LMX1A: variants seen among roughly 807,000 people sequenced by gnomAD.
LMX1A encodes the protein LIM homeobox transcription factor 1-alpha.
LMX1A carries 15 observed loss-of-function variants against 49.1 expected under a neutral mutation model. That is an observed-to-expected ratio of 0.31 (90% CI 0.20 to 0.47). LMX1A has a LOEUF of 0.47. Among genes scored for constraint, LMX1A ranks in the 20% least tolerant of loss-of-function variants. The probability of loss-of-function intolerance (pLI) is 1.00; values close to 1 mark genes in which losing one functional copy is unlikely to be tolerated. For synonymous variants in LMX1A, 167 were observed against 185.7 expected, an observed-to-expected ratio of 0.90 and a Z score of 0.82; for missense variants, 372 against 475.8, an observed-to-expected ratio of 0.78 and a Z score of 2.03.
At chr1:165,306,832 T>C (rs1335909179) in intron 3 of LMX1A, among the ~76,000 whole-genome samples, 1 of 152,172 alleles carries the variant, frequency 6.6e-6, no homozygotes, top group Non-Finnish European at 1.5e-5. Context: ...CTTCCCACCA[T>C]CAGTAGGATT....
At chr1:165,264,440 A>C (rs573526967) in intron 3 of LMX1A, among the ~76,000 whole-genome samples, 1 of 152,210 alleles carries the variant, frequency 6.6e-6, no homozygotes, top group Non-Finnish European at 1.5e-5. Context: ...ACACACATAC[A>C]TGCTGCCTTA....
chr1:165,279,982 G>A (rs1170703312), intron 3 of LMX1A, among the ~76,000 whole-genome samples: 2 of 152,046 alleles, frequency 1.3e-5, no homozygotes, highest in African/African-American at 2.4e-5. Flanking sequence ...GAGTACCAGA[G>A]AGCCTGCAGC....
intron 4 of LMX1A, among the ~76,000 whole-genome samples, chr1:165,248,356 G>A (rs1444093744): frequency 6.6e-6 from 1 of 152,164 alleles, no homozygotes; most frequent in African/African-American, 2.4e-5. Context: ...GTTACAGGGG[G>A]CTTGGAAATG....
chr1:165,300,994 A>G (rs1274454373), intron 3 of LMX1A, among the ~76,000 whole-genome samples: 1 of 152,218 alleles, frequency 6.6e-6, no homozygotes, highest in African/African-American at 2.4e-5. Flanking sequence ...CTGTAATGAA[A>G]TGGAGCCCAG....
At chr1:165,346,847 C>T (rs1301347127) in intron 3 of LMX1A, among the ~76,000 whole-genome samples, 1 of 152,156 alleles carries the variant, frequency 6.6e-6, no homozygotes, top group Non-Finnish European at 1.5e-5. Flanking sequence ...TCTAATCCTC[C>T]CGTTAATTAA....
intron 3 of LMX1A, among the ~76,000 whole-genome samples, chr1:165,262,219 G>A (rs1006702772): frequency 8.5e-5 from 13 of 152,140 alleles, no homozygotes; most frequent in African/African-American, 2.9e-4. Context: ...TATTGGTGAG[G>A]AAAGCGCTAG....
chr1:165,239,211 T>C (rs1159891000), intron 4 of LMX1A, among the ~76,000 whole-genome samples: 1 of 152,232 alleles, frequency 6.6e-6, no homozygotes, highest in Non-Finnish European at 1.5e-5. Flanking sequence ...TAACTTATGG[T>C]TTTCATTATT....
chr1:165,259,497 T>G (rs1434522281), intron 3 of LMX1A, among the ~76,000 whole-genome samples: 3 of 152,220 alleles, frequency 2.0e-5, no homozygotes, highest in African/African-American at 7.2e-5. Context: ...ATTTTGGTTC[T>G]CATATGACTG....
chr1:165,331,483 T>C (rs1057487752), intron 3 of LMX1A, among the ~76,000 whole-genome samples: 2 of 152,228 alleles, frequency 1.3e-5, no homozygotes, highest in Admixed American at 1.3e-4. Context: ...TGCTAGTGGC[T>C]ACTAGGCTGT....
At chr1:165,312,771 T>C (rs1221817146) in intron 3 of LMX1A, among the ~76,000 whole-genome samples, 3 of 152,214 alleles carry the variant, frequency 2.0e-5, no homozygotes, top group African/African-American at 7.2e-5. Context: ...CAGCAGACAC[T>C]GTACCAAACA....
chr1:165,345,118 G>A lies in LMX1A; in HGVS notation c.263+7958C>T, dbSNP rs984408878. 6.6e-5 allele frequency among the ~76,000 whole-genome samples: 10 copies of A among 152,238 alleles called. 1 individual carries two copies. Among genetic ancestry groups the A allele is most frequent in the Admixed American group, 6.5e-4 (10 of 15,282 alleles). ...TAGTCCCCAGGAGCCCAACATTTTGGTATTTAAAGGAACTTTAATGAGCTT... is the reference window on the plus strand; with the variant it reads ...TAGTCCCCAGGAGCCCAACATTTTGATATTTAAAGGAACTTTAATGAGCTT... On this transcript the variant is annotated intron_variant, in intron 3 of 8. Coordinates refer to ENST00000342310, the MANE Select transcript of LMX1A (RefSeq NM_177398.4).
In LMX1A at chr1:165,232,148, C is replaced by T. The variant is rs73027300; in HGVS notation, c.496+17260G>A. On this transcript the variant is annotated intron_variant, in intron 4 of 8. Transcript: ENST00000342310. Reference sequence around the variant, plus strand: ...AAGGTCCACAGAGCAGGGAAGGCTGCGGATGCATCCCTGTGCTGGAGCAGC... The same window carrying T: ...AAGGTCCACAGAGCAGGGAAGGCTGTGGATGCATCCCTGTGCTGGAGCAGC... Among the ~76,000 whole-genome samples, 5 of 152,284 alleles carry T rather than the reference C, an allele frequency of 3.3e-5. No homozygotes were observed. The East Asian group carries it at 5.8e-4, about 18-fold the overall frequency.
rs530169805 is a variant in LMX1A, at chr1:165,312,994, GA to G, written c.263+40081del. On this transcript the variant is annotated intron_variant, in intron 3 of 8. Transcript: ENST00000342310. ...ATTATACCTCTCTAGCTCACACAAA[GA>G]GACTGAATATCAGAGGGAAAAAAAA... Among the ~76,000 whole-genome samples the G allele has an allele frequency of 1.8e-4, 27 of 152,270 alleles. No individual in the cohort carries two copies. In the South Asian group the frequency reaches 5.2e-3, roughly 29 times the overall value.
intron 4 of LMX1A, among the ~76,000 whole-genome samples, chr1:165,222,126 A>G (rs1429766186): frequency 1.3e-5 from 2 of 152,186 alleles, no homozygotes; most frequent in Non-Finnish European, 2.9e-5. Flanking sequence ...GGCAACTGAA[A>G]TATCAGAAGA....
intron 6 of LMX1A, among the ~76,000 whole-genome samples, chr1:165,210,275 G>A (rs1391974005): frequency 6.6e-6 from 1 of 152,166 alleles, no homozygotes; most frequent in Non-Finnish European, 1.5e-5. Context: ...ATTAGTGAGG[G>A]CTGGGCCCTG....
At chr1:165,299,689 T>C (rs945792325) in intron 3 of LMX1A, among the ~76,000 whole-genome samples, 3 of 151,414 alleles carry the variant, frequency 2.0e-5, no homozygotes, top group African/African-American at 4.9e-5. Flanking sequence ...ATTTAATAAT[T>C]CAGTTTCGGG....
At chr1:165,220,056 T>C (rs1651782723) in intron 4 of LMX1A, among the ~76,000 whole-genome samples, 1 of 152,070 alleles carries the variant, frequency 6.6e-6, no homozygotes, top group Non-Finnish European at 1.5e-5. Context: ...CCTAATGACA[T>C]GGAAACAAGA....
chr1:165,334,229 G>A (rs1265147094), intron 3 of LMX1A, among the ~76,000 whole-genome samples: 3 of 152,080 alleles, frequency 2.0e-5, no homozygotes, highest in African/African-American at 7.2e-5. Context: ...AATAGATTGC[G>A]GGATAGATCA....
chr1:165,333,803 C>T (rs980906304), intron 3 of LMX1A, among the ~76,000 whole-genome samples: 4 of 151,952 alleles, frequency 2.6e-5, no homozygotes, highest in Admixed American at 6.6e-5. Flanking sequence ...TAATGATGAC[C>T]GCCCTGGATC....
Sources: gnomAD v4.1 joint callset for allele counts (sites outside exome capture counted in the v4.1 genomes callset) on GRCh38, gnomAD v4.1.1 for gene constraint, MANE v1.5 for transcripts, NCBI Gene and HGNC (gene_info 2026-07-23, HGNC 2026-07-21) for gene names.